Variants in DLG2 observed in about 807,000 individuals in gnomAD.
DLG2 encodes disks large homolog 2.
Under a neutral mutation model 132.5 loss-of-function variants are expected in DLG2, and 45 were observed. That is an observed-to-expected ratio of 0.34 (90% confidence interval 0.27 to 0.44). The LOEUF (loss-of-function observed/expected upper bound fraction) is 0.44, where lower values mean the gene tolerates loss of function less well. Among genes scored for constraint, DLG2 ranks in the 20% least tolerant of loss-of-function variants. The pLI is 1.00. For synonymous variants in DLG2, 424 were observed against 419.6 expected (o/e 1.01, Z -0.13); for missense variants, 1,045 against 1,196.9 (o/e 0.87, Z 1.87).
intron 7 of DLG2, among the ~76,000 whole-genome samples, chr11:84,510,833 T>C (rs1219586213): frequency 6.6e-6 from 1 of 152,072 alleles, no homozygotes; most frequent in Non-Finnish European, 1.5e-5. Flanking sequence ...TTTGTTTGTT[T>C]GTTTGTTTGT....
At chr11:84,317,098 A>G (rs2098367139) in intron 7 of DLG2, 1 of 1,612,676 alleles carries the variant, frequency 6.2e-7, no homozygotes, top group Admixed American at 1.7e-5. Flanking sequence ...CATCCATCCC[A>G]TCGGACCCCC....
At chr11:83,632,376 A>G (rs1161992238) in intron 19 of DLG2, 5 of 152,236 alleles carry the variant, frequency 3.3e-5, no homozygotes, top group African/African-American at 1.2e-4. Flanking sequence ...GGAGAATACA[A>G]TAAGAATGGG....
At position 84,486,639 on chromosome 11, in the gene DLG2, A is replaced by G. The variant is rs575877512; in HGVS notation, c.519+47931T>C. On this transcript the variant is annotated intron_variant, in intron 7 of 27. Transcript: ENST00000376104. The stretch of plus-strand genomic sequence containing the variant: ...CTCAGAAACAGAAAAGAAGGTGAAA[A>G]GTCTTTCGAGCAAATGCAGGAAAAA... Among the ~76,000 whole-genome samples the G allele has an allele frequency of 2.0e-5, 3 of 152,294 alleles. No homozygotes were observed. In the East Asian group the frequency reaches 5.8e-4, roughly 29 times the overall value.
At chr11:84,769,001 A>T (rs1372186777) in intron 6 of DLG2, among the ~76,000 whole-genome samples, 1 of 152,150 alleles carries the variant, frequency 6.6e-6, no homozygotes, top group African/African-American at 2.4e-5. Flanking sequence ...TTACTTTCAT[A>T]AAAATAATTT....
intron 6 of DLG2, among the ~76,000 whole-genome samples, chr11:84,678,310 A>G (rs953462832): frequency 6.6e-6 from 1 of 152,052 alleles, no homozygotes; most frequent in Non-Finnish European, 1.5e-5. Context: ...TGTTTTGCTT[A>G]TCATCAAAAG....
At chr11:85,425,002 GT>G (rs2090601704) in intron 3 of DLG2, among the ~76,000 whole-genome samples, 1 of 149,682 alleles carries the variant, frequency 6.7e-6, no homozygotes, top group Non-Finnish European at 1.5e-5. Flanking sequence ...ATCCACTGAA[GT>G]TAGTACTTCT....
At chr11:85,075,330 A>G (rs1277996859) in intron 6 of DLG2, among the ~76,000 whole-genome samples, 1 of 151,926 alleles carries the variant, frequency 6.6e-6, no homozygotes, top group Non-Finnish European at 1.5e-5. Context: ...AGACTTACCT[A>G]CATACTGAAG....
chr11:83,531,189 G>T (rs1391873854), intron 21 of DLG2, among the ~76,000 whole-genome samples: 1 of 570 alleles, frequency 1.8e-3, no homozygotes, highest in Non-Finnish European at 2.2e-3. Context: ...AACCTTTTGT[G>T]TACCAAAGAA....
At chr11:84,934,525 G>GTTTTTTTTTTTTTTTTTTTT (rs757894179) in intron 6 of DLG2, among the ~76,000 whole-genome samples, 2 of 38,658 alleles carry the variant, frequency 5.2e-5, no homozygotes, top group Admixed American at 3.7e-4. Context: ...GTTTTGTTTT[G>GTTTTTTTTTTTTTTTTTTTT]TTTTTTTTTT....
chr11:83,609,371 G>A (rs2059790534), intron 19 of DLG2, among the ~76,000 whole-genome samples: 1 of 152,146 alleles, frequency 6.6e-6, no homozygotes, highest in Admixed American at 6.5e-5. Flanking sequence ...AACAGGTTTA[G>A]TGCTAATGAG....
intron 7 of DLG2, among the ~76,000 whole-genome samples, chr11:84,348,786 T>A (rs797014425): frequency 6.6e-6 from 1 of 152,180 alleles, no homozygotes; most frequent in African/African-American, 2.4e-5. Flanking sequence ...GGAAAATTTG[T>A]ACACACACAG....
intron 20 of DLG2, among the ~76,000 whole-genome samples, chr11:83,540,296 T>G (rs765778249): frequency 5.3e-5 from 8 of 152,214 alleles, no homozygotes; most frequent in Non-Finnish European, 1.2e-4. Flanking sequence ...GCTGAGTCAA[T>G]GCTTTAAACA....
At chr11:84,251,832 G>A (rs1179817597) in intron 7 of DLG2, among the ~76,000 whole-genome samples, 1 of 151,414 alleles carries the variant, frequency 6.6e-6, no homozygotes, top group Non-Finnish European at 1.5e-5. Context: ...GTAGAGACGG[G>A]GTTTCCCACA....
chr11:83,938,219 T>C (rs1277244628), intron 14 of DLG2, among the ~76,000 whole-genome samples: 1 of 152,154 alleles, frequency 6.6e-6, no homozygotes, highest in African/African-American at 2.4e-5. Context: ...AAATACAAAA[T>C]TGTATATGGG....
At chr11:84,486,545 C>A (rs1375577511) in intron 7 of DLG2, among the ~76,000 whole-genome samples, 1 of 151,994 alleles carries the variant, frequency 6.6e-6, no homozygotes, top group Non-Finnish European at 1.5e-5. Context: ...CATGTTTATG[C>A]GAGTGACAAG....
chr11:83,600,291 T>C (rs2058335420), intron 19 of DLG2, among the ~76,000 whole-genome samples: 1 of 149,992 alleles, frequency 6.7e-6, no homozygotes, highest in South Asian at 2.1e-4. Flanking sequence ...TCCAGGTCTG[T>C]GTGAATCCAG....
At chr11:84,875,962 G>A (rs186518499) in intron 6 of DLG2, among the ~76,000 whole-genome samples, 31 of 152,106 alleles carry the variant, frequency 2.0e-4, no homozygotes, top group African/African-American at 7.0e-4. Context: ...GGTCTCGAAT[G>A]CCTGACCTCA....
intron 6 of DLG2, among the ~76,000 whole-genome samples, chr11:84,978,305 C>G (rs756778605): frequency 8.5e-5 from 13 of 152,164 alleles, no homozygotes; most frequent in Non-Finnish European, 1.5e-4. Flanking sequence ...TTGGAAAAAA[C>G]TATTTTAAAG....
intron 3 of DLG2, among the ~76,000 whole-genome samples, chr11:85,305,940 G>A (rs990664175): frequency 6.6e-6 from 1 of 152,112 alleles, no homozygotes; most frequent in African/African-American, 2.4e-5. Context: ...TATGTTCCCG[G>A]ATCACAAGTA....
Sources: allele counts gnomAD v4.1 joint callset (sites outside exome capture counted in the v4.1 genomes callset), GRCh38; gene constraint gnomAD v4.1.1; transcripts MANE v1.5; gene names NCBI Gene and HGNC (gene_info 2026-07-23, HGNC 2026-07-21).